Variants in DOCK3 observed in about 807,000 individuals in gnomAD.
DOCK3 encodes dedicator of cytokinesis protein 3.
In DOCK3, 60 loss-of-function variants were observed where a neutral mutation model predicts 265.6. The ratio of observed to expected loss-of-function variants is 0.23; its 90% CI spans 0.18 to 0.28. The LOEUF (loss-of-function observed/expected upper bound fraction) is 0.28, where lower values mean the gene tolerates loss of function less well. Ranked by LOEUF, DOCK3 falls within the 10% of genes least tolerant of loss-of-function variation. DOCK3 has a pLI of 1.00. For synonymous variants in DOCK3, 881 were observed against 938.0 expected (o/e 0.94, Z 1.11); for missense variants, 1,981 against 2,594.3 (o/e 0.76, Z 5.14).
chr3:51,112,855 A>G (rs1311458124), intron 9 of DOCK3, among the ~76,000 whole-genome samples: 1 of 152,178 alleles, frequency 6.6e-6, no homozygotes. Context: ...TGTGTAGGAA[A>G]GGTGAAGAAC....
intron 32 of DOCK3, among the ~76,000 whole-genome samples, chr3:51,326,629 T>C (rs1326843070): frequency 1.4e-5 from 2 of 146,258 alleles, no homozygotes; most frequent in Non-Finnish European, 3.0e-5. Context: ...GTTGTTGTTG[T>C]TGTTGTTTTG....
At chr3:50,742,770 C>T (rs2039143764) in intron 1 of DOCK3, among the ~76,000 whole-genome samples, 1 of 152,212 alleles carries the variant, frequency 6.6e-6, no homozygotes. Flanking sequence ...GGAAAACACT[C>T]TGCAGGATAT....
chr3:51,260,091 C>T, intron 22 of DOCK3, 65 bp from the exon 23 acceptor site: 1 of 1,509,824 alleles, frequency 6.6e-7, no homozygotes, highest in South Asian at 1.3e-5. Context: ...CCCCTTGTTT[C>T]CTGCTATGTG....
rs754271357 is a variant in DOCK3 at position 51,231,121 on chromosome 3, CTTTTTTTTTTTTTT to C, written c.1917+1524_1917+1537del. ...TTCGCCAGCATCTGTTATTTTTTGACTTTTTTTTTTTTTTTTTTTTTTTTTGAGACGGAGTCTTG... is the reference window on the plus strand; with the variant it reads ...TTCGCCAGCATCTGTTATTTTTTGACTTTTTTTTTTTGAGACGGAGTCTTG... On this transcript the variant is annotated intron_variant, in intron 19 of 52. Transcript: ENST00000266037. Among the ~76,000 whole-genome samples, 9 of 77,754 alleles carry C rather than the reference CTTTTTTTTTTTTTT, an allele frequency of 1.2e-4. No individual in the cohort carries two copies. The South Asian group carries it at 2.8e-3, about 24-fold the overall frequency. The allele number at this position is 77,754 out of a possible 152,430, so 51.0% of individuals were successfully genotyped here.
chr3:51,262,240 T>A (rs1254105179), intron 23 of DOCK3, among the ~76,000 whole-genome samples: 1 of 152,156 alleles, frequency 6.6e-6, no homozygotes, highest in Non-Finnish European at 1.5e-5. Flanking sequence ...TCTTTGCTGT[T>A]CTGCAGCCTC....
intron 2 of DOCK3, among the ~76,000 whole-genome samples, chr3:50,794,286 T>C (rs1406941134): frequency 6.6e-6 from 1 of 152,194 alleles, no homozygotes; most frequent in East Asian, 1.9e-4. Context: ...CTGAATACCT[T>C]TGTTAATTTC....
At chr3:50,888,664 T>C in intron 3 of DOCK3, among the ~76,000 whole-genome samples, 1 of 152,080 alleles carries the variant, frequency 6.6e-6, no homozygotes, top group African/African-American at 2.4e-5. Flanking sequence ...AAAACAGAGA[T>C]ATAGATCAAT....
intron 1 of DOCK3, among the ~76,000 whole-genome samples, chr3:50,715,864 T>C (rs1359622226): frequency 6.6e-6 from 1 of 152,178 alleles, no homozygotes; most frequent in Non-Finnish European, 1.5e-5. Context: ...TTTTAACATT[T>C]ATTAAACTTT....
chr3:50,970,948 A>ATATATAATG (rs1559878922), intron 5 of DOCK3, among the ~76,000 whole-genome samples: 2 of 51,758 alleles, frequency 3.9e-5, no homozygotes, highest in African/African-American at 8.7e-5. Flanking sequence ...TATATATATA[A>ATATATAATG]TGTGTGTGTG....
At chr3:50,910,393 C>T (rs952697532) in intron 4 of DOCK3, among the ~76,000 whole-genome samples, 3 of 152,150 alleles carry the variant, frequency 2.0e-5, no homozygotes, top group Admixed American at 6.5e-5. Flanking sequence ...ACAATCATTC[C>T]TTTGGCTGCC....
intron 22 of DOCK3, among the ~76,000 whole-genome samples, chr3:51,254,618 G>C (rs1277048551): frequency 2.6e-5 from 4 of 152,198 alleles, no homozygotes; most frequent in African/African-American, 9.7e-5. Context: ...TTACCATTAT[G>C]TAATGGCCTT....
At chr3:50,774,304 T>G (rs552221026) in intron 1 of DOCK3, among the ~76,000 whole-genome samples, 1 of 152,094 alleles carries the variant, frequency 6.6e-6, no homozygotes, top group Non-Finnish European at 1.5e-5. Context: ...TAATGATTAA[T>G]TTAGGGAGAA....
chr3:50,986,880 A>G (rs934215006), intron 5 of DOCK3, among the ~76,000 whole-genome samples: 6 of 152,220 alleles, frequency 3.9e-5, no homozygotes, highest in African/African-American at 1.2e-4. Context: ...TTAAAGCTCT[A>G]TGCATCATTT....
chr3:51,202,244 G>T (rs1170815617), intron 12 of DOCK3, among the ~76,000 whole-genome samples: 2 of 147,412 alleles, frequency 1.4e-5, no homozygotes, highest in East Asian at 4.0e-4. Context: ...TTTTTTGAAA[G>T]AATCAACAAA....
chr3:51,378,052 G>T (rs544281885), intron 51 of DOCK3, among the ~76,000 whole-genome samples: 2 of 152,094 alleles, frequency 1.3e-5, no homozygotes, highest in Admixed American at 6.5e-5. Context: ...TGGGTGAGTG[G>T]GCCTGTTCTT....
intron 9 of DOCK3, among the ~76,000 whole-genome samples, chr3:51,135,769 G>A (rs1325437950): frequency 6.6e-6 from 1 of 151,728 alleles, no homozygotes; most frequent in African/African-American, 2.4e-5. Context: ...GCCTAGGCTG[G>A]GAGTGCAAGG....
chr3:51,327,121 C>T (rs1217666101), intron 32 of DOCK3, among the ~76,000 whole-genome samples: 1 of 152,144 alleles, frequency 6.6e-6, no homozygotes, highest in African/African-American at 2.4e-5. Context: ...TAAGCAATCA[C>T]CGTGCTGAGC....
At chr3:50,983,229 C>A (rs986603509) in intron 5 of DOCK3, among the ~76,000 whole-genome samples, 1 of 152,088 alleles carries the variant, frequency 6.6e-6, no homozygotes, top group Non-Finnish European at 1.5e-5. Flanking sequence ...CCTGCAGGTG[C>A]CCCTTGGAGC....
intron 10 of DOCK3, among the ~76,000 whole-genome samples, chr3:51,154,119 TA>T (rs2085738038): frequency 6.6e-6 from 1 of 152,244 alleles, no homozygotes; most frequent in South Asian, 2.1e-4. Flanking sequence ...GCTGCAGTTA[TA>T]TTTGTTCACC....
Sources: gnomAD v4.1 joint callset for allele counts (sites outside exome capture counted in the v4.1 genomes callset) on GRCh38, gnomAD v4.1.1 for gene constraint, MANE v1.5 for transcripts, NCBI Gene and HGNC (gene_info 2026-07-23, HGNC 2026-07-21) for gene names.